Variants in TNFSF4 observed in about 807,000 individuals in gnomAD.
The protein encoded by TNFSF4 is TNF superfamily member 4.
In TNFSF4, 4 loss-of-function variants were observed where a neutral mutation model predicts 7.3. That is an observed-to-expected ratio of 0.55 (90% CI 0.27 to 1.25). The LOEUF is 1.25. TNFSF4 is among the 50% of genes most tolerant of loss of function. The probability of loss-of-function intolerance (pLI) is 0.12; values close to 1 mark genes in which losing one functional copy is unlikely to be tolerated. For synonymous variants in TNFSF4, 76 were observed against 83.7 expected (o/e 0.91, Z 0.50); for missense variants, 181 against 208.8 (o/e 0.87, Z 0.82).
the TNFSF4 span, among the ~76,000 whole-genome samples, chr1:173,409,360 T>C: frequency 6.6e-6 from 1 of 152,230 alleles, no homozygotes; most frequent in South Asian, 2.1e-4. Context: ...GCAGATTCAA[T>C]GTTAGTAATG....
At chr1:173,285,815 A>G in the TNFSF4 span, among the ~76,000 whole-genome samples, 2 of 152,196 alleles carry the variant, frequency 1.3e-5, no homozygotes, top group Non-Finnish European at 2.9e-5. Flanking sequence ...TATAATTTTT[A>G]TATGCACTGG....
At chr1:173,274,459 T>C in the TNFSF4 span, among the ~76,000 whole-genome samples, 3 of 152,094 alleles carry the variant, frequency 2.0e-5, no homozygotes, top group Non-Finnish European at 2.9e-5. Flanking sequence ...GCAAAAGATA[T>C]TGCCAGATTA....
the TNFSF4 span, among the ~76,000 whole-genome samples, chr1:173,244,650 ACAAAAAAC>A: frequency 4.0e-5 from 5 of 125,758 alleles, no homozygotes; most frequent in East Asian, 2.2e-4. Context: ...TCAAAAAAAA[ACAAAAAAC>A]AAAAAAAACA....
the TNFSF4 span, among the ~76,000 whole-genome samples, chr1:173,426,697 C>G: frequency 1.3e-5 from 2 of 152,104 alleles, no homozygotes; most frequent in African/African-American, 4.8e-5. Context: ...CGGGCTCAAG[C>G]AATTCTCCCA....
chr1:173,333,495 T>C, the TNFSF4 span, among the ~76,000 whole-genome samples: 1 of 152,076 alleles, frequency 6.6e-6, no homozygotes, highest in African/African-American at 2.4e-5. Context: ...TGATGGTCTT[T>C]GGAGGTGGGG....
the TNFSF4 span, among the ~76,000 whole-genome samples, chr1:173,322,842 G>A: frequency 1.4e-4 from 21 of 152,278 alleles, no homozygotes; most frequent in African/African-American, 4.3e-4. Flanking sequence ...CTTGGGGAGG[G>A]GCGCCCACCA....
chr1:173,196,597 A>G (rs1468570653), intron 1 of TNFSF4, among the ~76,000 whole-genome samples: 3 of 152,204 alleles, frequency 2.0e-5, no homozygotes, highest in Non-Finnish European at 4.4e-5. Flanking sequence ...CAGAGAGAGC[A>G]TGAACTGTGG....
chr1:173,205,577 G>C (rs1035277436), intron 1 of TNFSF4: 1 of 1,235,566 alleles, frequency 8.1e-7, no homozygotes, highest in African/African-American at 1.5e-5. Flanking sequence ...ATGGTGTAAG[G>C]AAATATGTAA....
At chr1:173,173,533 C>T in the TNFSF4 span, among the ~76,000 whole-genome samples, 7 of 152,234 alleles carry the variant, frequency 4.6e-5, no homozygotes, top group African/African-American at 1.4e-4. Flanking sequence ...TCCATGAGGG[C>T]TCCACCCCTG....
At chr1:173,354,066 T>TA in the TNFSF4 span, among the ~76,000 whole-genome samples, 13 of 151,738 alleles carry the variant, frequency 8.6e-5, no homozygotes, top group South Asian at 2.1e-4. Flanking sequence ...GGTGGTTTTT[T>TA]AAAAAAATTA....
the TNFSF4 span, among the ~76,000 whole-genome samples, chr1:173,294,585 C>G: frequency 6.6e-6 from 1 of 151,814 alleles, no homozygotes; most frequent in African/African-American, 2.4e-5. Flanking sequence ...ACCCCTAAAC[C>G]TAAAATAAAA....
the TNFSF4 span, among the ~76,000 whole-genome samples, chr1:173,236,147 A>G: frequency 6.6e-6 from 1 of 152,278 alleles, no homozygotes; most frequent in South Asian, 2.1e-4. Flanking sequence ...CTGACTAACC[A>G]TCCATCCCCA....
chr1:173,257,708 T>A, the TNFSF4 span, among the ~76,000 whole-genome samples: 1 of 152,174 alleles, frequency 6.6e-6, no homozygotes, highest in Non-Finnish European at 1.5e-5. Flanking sequence ...CCTTTCCCCA[T>A]GGAATTAGGG....
chr1:173,175,608 G>A, the TNFSF4 span: 3 of 152,154 alleles, frequency 2.0e-5, no homozygotes. Context: ...GAAAGTTATA[G>A]CACAACTTGT....
At position 173,186,885 on chromosome 1, in the gene TNFSF4, A is replaced by G. The variant is rs1193468489; in HGVS notation, c.203-20T>C. 2 of 1,506,976 alleles carry G rather than the reference A, an allele frequency of 1.3e-6. No homozygotes were observed. Among genetic ancestry groups the G allele is most frequent in the African/African-American group, 2.8e-5 (2 of 71,666 alleles). 93.4% of individuals were successfully genotyped at this position (1,506,976 alleles called of 1,614,324 possible). A position where few individuals can be genotyped will look rare whatever the true frequency, so the allele number is the denominator to read the frequency against. ...TATATTCTAGGGAGGATAGGGGAAA[A>G]TTTGTTTAATTAATTCCTAAGCATA... is the stretch of plus-strand genomic sequence containing the variant. On this transcript the variant is annotated intron_variant, in intron 2 of 2. Coordinates refer to ENST00000281834, the MANE Select transcript of TNFSF4 (RefSeq NM_003326.5).
At chr1:173,383,976 G>A in the TNFSF4 span, among the ~76,000 whole-genome samples, 6 of 152,134 alleles carry the variant, frequency 3.9e-5, no homozygotes, top group Non-Finnish European at 7.3e-5. Flanking sequence ...TGTTGTTATC[G>A]TCATCATGAT....
the TNFSF4 span, among the ~76,000 whole-genome samples, chr1:173,407,559 CAAAAAAAA>C: frequency 2.8e-4 from 20 of 72,034 alleles, 1 homozygote; most frequent in African/African-American, 9.0e-4. Context: ...GACTCTGCCT[CAAAAAAAA>C]AAAAAAAAAA....
At chr1:173,439,784 A>G in the TNFSF4 span, among the ~76,000 whole-genome samples, 1 of 152,120 alleles carries the variant, frequency 6.6e-6, no homozygotes, top group East Asian at 1.9e-4. Flanking sequence ...TCCTGCCACC[A>G]CCAAACACAA....
chr1:173,323,192 C>T, the TNFSF4 span, among the ~76,000 whole-genome samples: 1 of 152,188 alleles, frequency 6.6e-6, no homozygotes, highest in African/African-American at 2.4e-5. Flanking sequence ...ACAAAACTTC[C>T]AGAGGAACGA....
Sources: gnomAD v4.1 joint callset for allele counts (sites outside exome capture counted in the v4.1 genomes callset) on GRCh38, gnomAD v4.1.1 for gene constraint, MANE v1.5 for transcripts, NCBI Gene and HGNC (gene_info 2026-07-23, HGNC 2026-07-21) for gene names.